Variants in MAP4 observed in about 807,000 individuals in gnomAD.
MAP4 encodes the protein microtubule-associated protein 4.
MAP4 carries 76 observed loss-of-function variants against 170.2 expected under a neutral mutation model. That is an observed-to-expected ratio of 0.45 (90% CI 0.37 to 0.54). The LOEUF (loss-of-function observed/expected upper bound fraction) is 0.54. Ranked by LOEUF, MAP4 falls within the 20% of genes least tolerant of loss-of-function variation. The probability of loss-of-function intolerance (pLI) is 0.00; values close to 1 mark genes in which losing one functional copy is unlikely to be tolerated. For missense variants in MAP4, 2,506 were observed against 2,748.0 expected (o/e 0.91, Z 1.97); for synonymous variants, 909 against 994.5 (o/e 0.91, Z 1.62).
At chr3:48,048,657 C>T (rs1244336827) in intron 1 of MAP4, among the ~76,000 whole-genome samples, 5 of 151,872 alleles carry the variant, frequency 3.3e-5, no homozygotes. Flanking sequence ...GCTGAGACCA[C>T]AGGTGCATGC....
chr3:47,861,323 T>G (rs1221175306), intron 17 of MAP4, among the ~76,000 whole-genome samples: 2 of 149,824 alleles, frequency 1.3e-5, no homozygotes, highest in Non-Finnish European at 3.0e-5. Context: ...GCCATTGCAC[T>G]CCACCCTGGG....
chr3:47,914,864 C>T lies in MAP4; in HGVS notation c.1952G>A (p.Arg651Lys), dbSNP rs2100037811. 1 of 1,614,108 alleles carries T rather than the reference C, an allele frequency of 6.2e-7. No homozygotes were observed. The highest frequency in any genetic ancestry group is 1.3e-5 in the African/African-American group (1 of 75,024). The change falls in exon 8 of 21, where the codon AGG (arginine) becomes AAG (lysine). Residue 651 changes from arginine (R) to lysine (K), a missense_variant. Physicochemically the swap from Arg to Lys is conservative, Grantham distance 26. Transcript: ENST00000683076. ...EDSVLEKLGERKPCNSQPSEL... is the reference protein window; with the variant it reads ...EDSVLEKLGEKKPCNSQPSEL... ...AGAAGGTTGACTGTTGCATGGTTTC[C>T]TTTCCCCTAGTTTTTCTAACACAGA... is the stretch of plus-strand genomic sequence containing the variant.
intron 2 of MAP4, among the ~76,000 whole-genome samples, chr3:47,992,627 A>C (rs759158110): frequency 1.3e-5 from 2 of 152,082 alleles, no homozygotes; most frequent in Non-Finnish European, 2.9e-5. Flanking sequence ...ATCTTCAACA[A>C]GTTCGTGGAA....
chr3:47,947,840 G>GA, intron 3 of MAP4, among the ~76,000 whole-genome samples: 1 of 150,228 alleles, frequency 6.7e-6, no homozygotes, highest in Non-Finnish European at 1.5e-5. Context: ...AAGAAAAAAA[G>GA]AAAAGAAAAC....
chr3:47,906,769 T>C (rs183488058), intron 9 of MAP4, among the ~76,000 whole-genome samples: 14 of 148,130 alleles, frequency 9.5e-5, no homozygotes, highest in Admixed American at 9.4e-4. Flanking sequence ...GAGTCATATC[T>C]AGAGACATGT....
chr3:47,853,505 G>GCCC (rs1378775943), intron 19 of MAP4, among the ~76,000 whole-genome samples, 153 bp from the exon 20 acceptor site: 1 of 150,844 alleles, frequency 6.6e-6, no homozygotes, highest in Non-Finnish European at 1.5e-5. Flanking sequence ...CCAGGCAGGT[G>GCCC]CCCCGGCCCC....
At chr3:48,018,572 G>A (rs2100108963), upstream of MAP4, among the ~76,000 whole-genome samples, 1 of 152,132 alleles carries the variant, frequency 6.6e-6, no homozygotes, top group Non-Finnish European at 1.5e-5. Context: ...TTGGGAGGCT[G>A]AGGTGGGTGG....
chr3:47,982,721 A>G (rs2100086089), intron 2 of MAP4, among the ~76,000 whole-genome samples: 1 of 152,198 alleles, frequency 6.6e-6, no homozygotes, highest in Non-Finnish European at 1.5e-5. Context: ...TTCTAAGATA[A>G]TAAACTAAAA....
chr3:47,953,102 T>C (rs1295493187), intron 3 of MAP4, among the ~76,000 whole-genome samples: 1 of 152,082 alleles, frequency 6.6e-6, no homozygotes, highest in African/African-American at 2.4e-5. Flanking sequence ...AGGGAATTGA[T>C]AGAGTGATTT....
At chr3:47,959,735 G>A (rs1351596554) in intron 3 of MAP4, among the ~76,000 whole-genome samples, 1 of 150,082 alleles carries the variant, frequency 6.7e-6, no homozygotes. Context: ...CTCCACCCTG[G>A]GCGACAGAGC....
chr3:48,062,768 C>T (rs2100136494), intron 1 of MAP4, among the ~76,000 whole-genome samples: 1 of 150,856 alleles, frequency 6.6e-6, no homozygotes, highest in Admixed American at 6.6e-5. Flanking sequence ...ACTAAAAATA[C>T]AAAAAATTAG....
chr3:48,033,274 A>G (rs999125921), intron 1 of MAP4, among the ~76,000 whole-genome samples: 1 of 152,236 alleles, frequency 6.6e-6, no homozygotes, highest in Non-Finnish European at 1.5e-5. Context: ...AAGTCCAGCT[A>G]TATCTATGTA....
chr3:48,048,691 A>C (rs2100125903), intron 1 of MAP4, among the ~76,000 whole-genome samples: 1 of 151,354 alleles, frequency 6.6e-6, no homozygotes. Flanking sequence ...TAATTTTTTA[A>C]ATTTTTTTGT....
In MAP4 at chr3:47,875,839, G is replaced by A; in HGVS notation, c.5603C>T (p.Ser1868Phe). The change falls in exon 12 of 21, where the codon TCT becomes TTT. Residue 1868 changes from serine to phenylalanine, a missense_variant. Physicochemically the swap from Ser to Phe is radical, Grantham distance 155. Coordinates refer to ENST00000683076, the MANE Select transcript of MAP4 (RefSeq NM_001385682.1). ...GGTGGGAGCTGGCTGCTTAGGGAGA[G>A]AAGTGGGCTGTGTTTTGGCTTTCGA... ...STSKAKTQPT[S>F]LPKQPAPTTI... is the part of the protein sequence containing the mutation. 6.2e-7 allele frequency: 1 copy of A among 1,613,972 alleles called. No homozygotes were observed.
intron 1 of MAP4, among the ~76,000 whole-genome samples, chr3:48,057,435 A>G (rs1221267477): frequency 7.6e-6 from 1 of 131,058 alleles, no homozygotes; most frequent in Non-Finnish European, 1.6e-5. Flanking sequence ...AGTCATCACC[A>G]ATCCCTAATC....
chr3:47,908,214 G>A (rs2100034155), intron 9 of MAP4, among the ~76,000 whole-genome samples: 1 of 151,680 alleles, frequency 6.6e-6, no homozygotes, highest in African/African-American at 2.4e-5. Flanking sequence ...TTGGGGAATT[G>A]GGGGTGGGGG....
Position 47,914,846 on chromosome 3 carries a change from T to C in MAP4, c.1970A>G (p.Gln657Arg). Residue 657 changes from glutamine to arginine, a missense_variant, in exon 8 of 21, where the codon CAA (glutamine) becomes CGA (arginine). Physicochemically the swap from Gln to Arg is conservative, Grantham distance 43. This residue lies in a region of MAP4 where 2,008 missense variants were observed against 2,206.0 expected (regional missense o/e 0.91). Coordinates refer to ENST00000683076, the MANE Select transcript of MAP4 (RefSeq NM_001385682.1). ...KLGERKPCNS[Q>R]PSELSSETSA... Reference sequence around the variant, plus strand: ...GGTCTCTGAAGAAAGCTCAGAAGGTTGACTGTTGCATGGTTTCCTTTCCCC... The same window carrying C: ...GGTCTCTGAAGAAAGCTCAGAAGGTCGACTGTTGCATGGTTTCCTTTCCCC... 1 of 1,614,206 alleles carries C rather than the reference T, an allele frequency of 6.2e-7. No individual in the cohort carries two copies. The highest frequency in any genetic ancestry group is 1.1e-5 in the South Asian group (1 of 91,090).
At chr3:47,885,325 G>A (rs1415796474) in intron 10 of MAP4, among the ~76,000 whole-genome samples, 1 of 151,906 alleles carries the variant, frequency 6.6e-6, no homozygotes, top group African/African-American at 2.4e-5. Flanking sequence ...AGGTCAAGAG[G>A]TCAAGGCTAG....
At chr3:47,918,361 C>T (rs1268540899) in intron 6 of MAP4, among the ~76,000 whole-genome samples, 5 of 151,922 alleles carry the variant, frequency 3.3e-5, no homozygotes, top group African/African-American at 1.2e-4. Flanking sequence ...CTCAAGTGAT[C>T]TGCCTGCCTC....
Sources: allele counts gnomAD v4.1 joint callset (sites outside exome capture counted in the v4.1 genomes callset), GRCh38; gene constraint gnomAD v4.1.1; regional missense constraint gnomAD v4.1.1; transcripts MANE v1.5; gene names NCBI Gene and HGNC (gene_info 2026-07-23, HGNC 2026-07-21).